DCLRE1A: variants seen among roughly 807,000 people sequenced by gnomAD.
DCLRE1A encodes DNA cross-link repair 1A, also known as DNA cross-link repair 1A protein.
Under a neutral mutation model 91.9 loss-of-function variants are expected in DCLRE1A, and 64 were observed. The ratio of observed to expected loss-of-function variants is 0.70; its 90% CI spans 0.57 to 0.86. The LOEUF (loss-of-function observed/expected upper bound fraction) is 0.86. Among genes scored for constraint, DCLRE1A ranks in the 40% least tolerant of loss-of-function variants. DCLRE1A has a pLI of 0.00. For synonymous variants in DCLRE1A, 416 were observed against 431.1 expected (o/e 0.96, Z 0.43); for missense variants, 1,145 against 1,213.3 (o/e 0.94, Z 0.84).
At chr10:113,852,017 A>G (rs1350496768) in intron 1 of DCLRE1A, among the ~76,000 whole-genome samples, 1 of 152,154 alleles carries the variant, frequency 6.6e-6, no homozygotes, top group Non-Finnish European at 1.5e-5. Context: ...CAGCCTATTT[A>G]TAATTTTCTA....
At chr10:113,842,593 G>T in intron 5 of DCLRE1A, 105 bp from the exon 6 acceptor site, 2 of 1,049,734 alleles carry the variant, frequency 1.9e-6, no homozygotes, top group Non-Finnish European at 2.7e-6. Flanking sequence ...ACATACAACA[G>T]CAATGTAATA....
At chr10:113,840,054 G>T (rs1031628769) in intron 7 of DCLRE1A, among the ~76,000 whole-genome samples, 2 of 152,138 alleles carry the variant, frequency 1.3e-5, no homozygotes, top group African/African-American at 4.8e-5. Context: ...AGCACTTGGG[G>T]AGGCTGAGGC....
intron 1 of DCLRE1A, 129 bp downstream of exon 1, chr10:113,852,593 TG>T: frequency 1.2e-6 from 1 of 820,434 alleles, no homozygotes; most frequent in Non-Finnish European, 1.9e-6. Context: ...TTGACTGGTA[TG>T]GTGTTTCCCA....
At position 113,845,467 on chromosome 10, in the gene DCLRE1A, G is replaced by T. The variant is rs144405834; in HGVS notation, c.2378+218C>A. Among the ~76,000 whole-genome samples the T allele has an allele frequency of 1.7e-3, 264 of 152,202 alleles. 1 individual carries two copies. The highest frequency in any genetic ancestry group is 2.3e-3 in the Non-Finnish European group (159 of 68,006). On this transcript the variant is annotated intron_variant, in intron 4 of 8. Coordinates refer to ENST00000361384, the MANE Select transcript of DCLRE1A (RefSeq NM_014881.5). ...GATGTCAAGTGTAGTAATTTAAACT[G>T]GATAAAAAATGGGTTAGATAACATT...
intron 3 of DCLRE1A, 142 bp downstream of exon 3, chr10:113,847,060 A>T: frequency 1.3e-6 from 1 of 789,060 alleles, no homozygotes; most frequent in Non-Finnish European, 1.8e-6. Context: ...TTTTAAGTTT[A>T]GGACTTTTAT....
rs140895767 is a variant in DCLRE1A at position 113,849,728 on chromosome 10, C to T, written c.1377G>A (p.Pro459=). ...ESSVYNQVSL[P]LVKSLMLKPF... is the part of the protein sequence containing the mutation. ...GTTTCAACATTAAACTCTTAACTAACGGAAGAGAAACTTGATTGTAAACAG... is the reference window on the plus strand; with the variant it reads ...GTTTCAACATTAAACTCTTAACTAATGGAAGAGAAACTTGATTGTAAACAG... The change falls in exon 2 of 9, where the codon CCG becomes CCA. Residue 459 remains proline, a synonymous_variant. Coordinates refer to ENST00000361384, the MANE Select transcript of DCLRE1A (RefSeq NM_014881.5). 141 of 1,614,024 alleles carry T rather than the reference C, an allele frequency of 8.7e-5. No homozygotes were observed. Among genetic ancestry groups the T allele is most frequent in the Non-Finnish European group, 1.0e-4 (120 of 1,180,034 alleles).
rs1232708827 is a variant in DCLRE1A at position 113,849,023 on chromosome 10, T to C, written c.2082A>G (p.Gly694=). Residue 694 remains glycine, a synonymous_variant, in exon 2 of 9, where the codon GGA becomes GGG. Transcript: ENST00000361384. Reference sequence around the variant, plus strand: ...ATGGACATGTCTTTTTTCTTGATCCTCCTACATTAGATGACTCTGGGATTT... The same window carrying C: ...ATGGACATGTCTTTTTTCTTGATCCCCCTACATTAGATGACTCTGGGATTT... ...NKKIPESSNV[G]GSRKKTCPFY... is the part of the protein sequence containing the mutation. 1 of 1,614,126 alleles carries C rather than the reference T, an allele frequency of 6.2e-7. No individual in the cohort carries two copies.
In DCLRE1A at chr10:113,849,343, C is replaced by A; in HGVS notation, c.1762G>T (p.Val588Phe). 1 of 1,614,148 alleles carries A rather than the reference C, an allele frequency of 6.2e-7. No individual in the cohort carries two copies. The highest frequency in any genetic ancestry group is 1.1e-5 in the South Asian group (1 of 91,074). Residue 588 changes from valine (V) to phenylalanine (F), a missense_variant, in exon 2 of 9, where the codon GTT becomes TTT. By Grantham distance (50) the Val-to-Phe change is conservative. Transcript: ENST00000361384. ...SALEGINLNP[V>F]PSPNQKRSSQ... ...GACCTCTTTTGATTAGGACTTGGAA[C>A]TGGATTTAAGTTTATCCCTTCTAAT...
At position 113,843,023 on chromosome 10, in the gene DCLRE1A, TACACACACACACACACACACACAC is replaced by T. The variant is rs10527278; in HGVS notation, c.2520-559_2520-536del. The stretch of plus-strand genomic sequence containing the variant: ...CTATGTGTATATATATGTACATGTG[TACACACACACACACACACACACAC>T]ACACACACACACACACACACAGATA... On this transcript the variant is annotated intron_variant, in intron 5 of 8. Transcript: ENST00000361384. Among the ~76,000 whole-genome samples, 1,308 of 145,978 alleles carry T rather than the reference TACACACACACACACACACACACAC, an allele frequency of 9.0e-3. 6 individuals carry two copies. The highest frequency in any genetic ancestry group is 0.024 in the Middle Eastern group (7 of 286).
chr10:113,836,090 T>A (rs1845358672), intron 8 of DCLRE1A, among the ~76,000 whole-genome samples: 1 of 152,168 alleles, frequency 6.6e-6, no homozygotes, highest in Admixed American at 6.5e-5. Context: ...TCTGTCATGA[T>A]TGTAAGTTTC....
intron 1 of DCLRE1A, 45 bp from the exon 2 acceptor site, chr10:113,850,689 A>T: frequency 7.0e-7 from 1 of 1,431,524 alleles, no homozygotes; most frequent in Non-Finnish European, 9.4e-7. Context: ...CAAAGCATAG[A>T]CTAAGCTTTG....
At chr10:113,841,905 G>A (rs1845451996) in intron 6 of DCLRE1A, among the ~76,000 whole-genome samples, 1 of 152,136 alleles carries the variant, frequency 6.6e-6, no homozygotes, top group Non-Finnish European at 1.5e-5. Flanking sequence ...CCATACGTAA[G>A]AAGAAATGGA....
rs572957732 is a variant in DCLRE1A at position 113,853,815 on chromosome 10, C to G, written c.-633G>C. 73 of 152,424 alleles carry G rather than the reference C, an allele frequency of 4.8e-4. No homozygotes were observed. The highest frequency in any genetic ancestry group is 9.8e-4 in the Admixed American group (15 of 15,302). The allele number at this position is 152,424 out of a possible 1,614,324, so 9.4% of individuals were successfully genotyped here. A position where few individuals can be genotyped will look rare whatever the true frequency, so the allele number is the denominator to read the frequency against. On this transcript the variant is annotated 5_prime_UTR_variant, in exon 1 of 9. Transcript: ENST00000361384. ...AACCACTTCAGTTTCCCGCGACAGT[C>G]CATGATCTTCCTCCAGCAGCAATGA...
intron 3 of DCLRE1A, 136 bp downstream of exon 3, chr10:113,847,064 CTT>C (rs759512813): frequency 7.0e-6 from 6 of 858,566 alleles, no homozygotes; most frequent in Non-Finnish European, 1.0e-5. Context: ...AAGTTTAGGA[CTT>C]TTATGTGGAA....
At chr10:113,841,914 G>A (rs17091054) in intron 6 of DCLRE1A, among the ~76,000 whole-genome samples, 169 of 152,200 alleles carry the variant, frequency 1.1e-3, no homozygotes, top group Middle Eastern at 0.01. Context: ...AGAAGAAATG[G>A]AAAGTATTTT....
At chr10:113,838,564 A>G (rs1845396761) in intron 7 of DCLRE1A, among the ~76,000 whole-genome samples, 1 of 152,256 alleles carries the variant, frequency 6.6e-6, no homozygotes, top group South Asian at 2.1e-4. Flanking sequence ...CAAATAGTCC[A>G]TTAACCACAA....
chr10:113,844,124 A>G lies in DCLRE1A; in HGVS notation c.2499T>C (p.His833=), dbSNP rs374540825. ...ERSLLADQKV[H]MLYLDTTYCS... Reference sequence around the variant, plus strand: ...CTTACGTGGTATCTAAGTACAGCATATGGACTTTCTGGTCCGCAAGAAGAG... The same window carrying G: ...CTTACGTGGTATCTAAGTACAGCATGTGGACTTTCTGGTCCGCAAGAAGAG... The change falls in exon 5 of 9, where the codon CAT becomes CAC. Residue 833 remains histidine, a synonymous_variant. Coordinates refer to ENST00000361384, the MANE Select transcript of DCLRE1A (RefSeq NM_014881.5). 1.8e-4 allele frequency: 293 copies of G among 1,614,090 alleles called. No individual in the cohort carries two copies. Among genetic ancestry groups the G allele is most frequent in the Non-Finnish European group, 2.2e-4 (261 of 1,180,018 alleles).
chr10:113,848,148 C>T (rs1845572557), intron 2 of DCLRE1A, among the ~76,000 whole-genome samples: 1 of 151,818 alleles, frequency 6.6e-6, no homozygotes, highest in Admixed American at 6.6e-5. Flanking sequence ...CCCGTCTCTA[C>T]TAAAAATATG....
Position 113,852,947 on chromosome 10 carries a change from C to G in DCLRE1A, c.236G>C (p.Ser79Thr). ...NAGCQTSVAS[S>T]QNSSCGDGIQ... is the part of the protein sequence containing the mutation. Reference sequence around the variant, plus strand: ...ACCATCTCCACAACTTGAATTCTGACTAGAAGCAACAGAAGTCTGACAACC... The same window carrying G: ...ACCATCTCCACAACTTGAATTCTGAGTAGAAGCAACAGAAGTCTGACAACC... The change falls in exon 1 of 9, where the codon AGT (serine) becomes ACT (threonine). Residue 79 changes from serine (S) to threonine (T), a missense_variant. Coordinates refer to ENST00000361384, the MANE Select transcript of DCLRE1A (RefSeq NM_014881.5). 1 of 1,614,180 alleles carries G rather than the reference C, an allele frequency of 6.2e-7. No homozygotes were observed. The highest frequency in any genetic ancestry group is 8.5e-7 in the Non-Finnish European group (1 of 1,180,042).
Sources: allele counts gnomAD v4.1 joint callset (sites outside exome capture counted in the v4.1 genomes callset), GRCh38; gene constraint gnomAD v4.1.1; transcripts MANE v1.5; gene names NCBI Gene and HGNC (gene_info 2026-07-23, HGNC 2026-07-21).